Variants in ZNF469 observed in about 807,000 individuals in gnomAD.
ZNF469 encodes zinc finger protein 469.
ZNF469 carries 1 observed loss-of-function variant against 1.0 expected under a neutral mutation model. The observed-to-expected ratio is 1.00, with a 90% confidence interval of 0.35 to 4.73. ZNF469 has a LOEUF of 4.73. Among genes scored for constraint, ZNF469 ranks in the 30% most tolerant of loss-of-function variants. The probability of loss-of-function intolerance (pLI) is 0.16; values close to 1 mark genes in which losing one functional copy is unlikely to be tolerated. For missense variants in ZNF469, 6,100 were observed against 5,356.3 expected, an observed-to-expected ratio of 1.14 and a Z score of -4.33; for synonymous variants, 2,703 against 2,363.4, an observed-to-expected ratio of 1.14 and a Z score of -4.17.
At chr16:88,208,804 CTCTCTCTCT>C in the ZNF469 span, among the ~76,000 whole-genome samples, 1 of 4,060 alleles carries the variant, frequency 2.5e-4, no homozygotes, top group African/African-American at 3.8e-4. Context: ...CACACACACA[CTCTCTCTCT>C]CTCTCTCTCT....
chr16:88,400,839 C>T (rs948836860), intron 1 of ZNF469, among the ~76,000 whole-genome samples: 8 of 151,882 alleles, frequency 5.3e-5, no homozygotes, highest in Non-Finnish European at 1.5e-5. Flanking sequence ...CTGGGAGCAT[C>T]TTCAGTAACC....
the ZNF469 span, among the ~76,000 whole-genome samples, chr16:88,310,319 C>T: frequency 3.3e-5 from 5 of 152,276 alleles, no homozygotes; most frequent in South Asian, 1.0e-3. Context: ...GAGCTGTTGG[C>T]TAAGACACAA....
At chr16:88,394,543 G>A (rs530848184) in intron 1 of ZNF469, among the ~76,000 whole-genome samples, 1 of 152,230 alleles carries the variant, frequency 6.6e-6, no homozygotes, top group Non-Finnish European at 1.5e-5. Flanking sequence ...CACAAGAGGT[G>A]CCCGTGGCCA....
chr16:88,324,587 G>A, the ZNF469 span, among the ~76,000 whole-genome samples: 1 of 152,260 alleles, frequency 6.6e-6, no homozygotes, highest in Non-Finnish European at 1.5e-5. Flanking sequence ...GCCGTGTACA[G>A]AGAGTTGCTG....
the ZNF469 span, among the ~76,000 whole-genome samples, chr16:88,305,791 T>C: frequency 6.6e-6 from 1 of 152,200 alleles, no homozygotes; most frequent in African/African-American, 2.4e-5. Flanking sequence ...CACATTCACA[T>C]GCACACATAT....
At chr16:88,369,814 C>T in the ZNF469 span, among the ~76,000 whole-genome samples, 119 of 152,326 alleles carry the variant, frequency 7.8e-4, no homozygotes, top group African/African-American at 2.2e-3. Context: ...GCCACCCCCG[C>T]GACCCCCAGC....
the ZNF469 span, among the ~76,000 whole-genome samples, chr16:88,135,537 T>C: frequency 6.6e-6 from 1 of 152,118 alleles, no homozygotes; most frequent in African/African-American, 2.4e-5. Context: ...GGTGTTCGTG[T>C]CACCTTGGCT....
chr16:88,161,405 AAC>A, the ZNF469 span, among the ~76,000 whole-genome samples: 2 of 152,202 alleles, frequency 1.3e-5, no homozygotes, highest in Admixed American at 1.3e-4. Context: ...ATCTATTCCC[AAC>A]ACAGTAGAAG....
chr16:88,435,164 C>T lies in ZNF469; in HGVS notation c.7694C>T (p.Pro2565Leu), dbSNP rs1398555277. Residue 2565 changes from proline to leucine, a missense_variant, in exon 3 of 3, where the codon CCG (proline) becomes CTG (leucine). Pro to Leu is a moderately conservative substitution (Grantham distance 98). Coordinates refer to ENST00000565624, the MANE Select transcript of ZNF469 (RefSeq NM_001367624.2). ...AQGSKEVLRA[P>L]GSPHSQQLHP... ...GGCTCAAAGGAGGTTCTCAGAGCAC[C>T]GGGGTCCCCACACAGCCAGCAGCTG... The T allele has an allele frequency of 5.8e-6, 9 of 1,550,368 alleles. No individual in the cohort carries two copies. The highest frequency in any genetic ancestry group is 2.4e-5 in the East Asian group (1 of 40,922).
At chr16:88,251,487 C>G in the ZNF469 span, among the ~76,000 whole-genome samples, 3 of 136,256 alleles carry the variant, frequency 2.2e-5, no homozygotes, top group Admixed American at 1.6e-4. Flanking sequence ...GTGCTGGATT[C>G]TAAGGACAAA....
chr16:88,105,907 T>C, the ZNF469 span, among the ~76,000 whole-genome samples: 1 of 152,190 alleles, frequency 6.6e-6, no homozygotes, highest in East Asian at 1.9e-4. Context: ...CACACCACCT[T>C]GTGTGTGGAC....
chr16:88,381,392 A>T (rs1478109399), upstream of ZNF469, among the ~76,000 whole-genome samples: 6 of 151,306 alleles, frequency 4.0e-5, no homozygotes, highest in Non-Finnish European at 7.4e-5. Flanking sequence ...ATGCATTCAC[A>T]CACACGCACT....
Position 88,434,858 on chromosome 16 carries a change from G to A in ZNF469, c.7388G>A (p.Trp2463Ter). The change falls in exon 3 of 3, where the codon TGG becomes TAG. Residue 2463 changes from tryptophan (W) to a stop codon, truncating the protein, a stop_gained. Transcript: ENST00000565624. LOFTEE classifies it low-confidence loss of function (END_TRUNC). ...KKPASTENGQ[W>*]KGQAPHGPVT... ...CCTGCATCTACAGAGAACGGCCAGT[G>A]GAAGGGCCAAGCTCCACATGGGCCT... 1 of 1,550,384 alleles carries A rather than the reference G, an allele frequency of 6.5e-7. No homozygotes were observed. The highest frequency in any genetic ancestry group is 8.7e-7 in the Non-Finnish European group (1 of 1,146,998).
chr16:88,166,078 C>T, the ZNF469 span, among the ~76,000 whole-genome samples: 7 of 152,390 alleles, frequency 4.6e-5, no homozygotes, highest in East Asian at 5.8e-4. The surrounding 1 kb of genome is among the most constrained non-coding windows in gnomAD (Gnocchi z 4.5). Flanking sequence ...CCTTGTCCCA[C>T]GGTCACTGCG....
intron 1 of ZNF469, among the ~76,000 whole-genome samples, chr16:88,392,988 G>T (rs1415901060): frequency 1.3e-5 from 2 of 152,258 alleles, no homozygotes; most frequent in Admixed American, 1.3e-4. Flanking sequence ...GAGTCCGCCA[G>T]GTCCTGGCAC....
chr16:88,331,220 C>T, the ZNF469 span, among the ~76,000 whole-genome samples: 13 of 145,204 alleles, frequency 9.0e-5, no homozygotes, highest in East Asian at 1.4e-3. Context: ...CAACCGTCAC[C>T]ACCACCACCA....
the ZNF469 span, chr16:88,192,139 A>G: frequency 1.1e-4 from 16 of 152,276 alleles, 1 homozygote; most frequent in African/African-American, 3.6e-4. Context: ...AGTCAGCCAT[A>G]CCTTGATCTT....
the ZNF469 span, among the ~76,000 whole-genome samples, chr16:88,306,088 G>A: frequency 5.3e-5 from 8 of 152,374 alleles, no homozygotes; most frequent in African/African-American, 1.7e-4. Context: ...AAGGCTGGTA[G>A]TTCCCAACAG....
chr16:88,117,439 T>C, the ZNF469 span, among the ~76,000 whole-genome samples: 1 of 152,218 alleles, frequency 6.6e-6, no homozygotes, highest in African/African-American at 2.4e-5. Context: ...TTTTGTCCCT[T>C]TGATCTTTTT....
Sources: gnomAD v4.1 joint callset for allele counts (sites outside exome capture counted in the v4.1 genomes callset) on GRCh38, gnomAD v4.1.1 for gene constraint, Gnocchi (gnomAD v3.1) non-coding constraint, MANE v1.5 for transcripts, NCBI Gene and HGNC (gene_info 2026-07-23, HGNC 2026-07-21) for gene names.